TMT1A: variants seen among roughly 807,000 people sequenced by gnomAD.
TMT1A encodes the protein thiol S-methyltransferase TMT1A.
At chr12:50,926,934 G>A in the TMT1A span, among the ~76,000 whole-genome samples, 6 of 152,106 alleles carry the variant, frequency 3.9e-5, no homozygotes, top group South Asian at 4.1e-4. Flanking sequence ...GTTTAAAATC[G>A]TTTTATATTC....
chr12:50,929,920 GCTTT>G, the TMT1A span: 306 of 1,599,380 alleles, frequency 1.9e-4, no homozygotes, highest in Non-Finnish European at 2.4e-4. Flanking sequence ...TCAGGGAGGG[GCTTT>G]CTATTTCATG....
the TMT1A span, among the ~76,000 whole-genome samples, chr12:50,927,458 C>A: frequency 3.9e-5 from 6 of 152,184 alleles, no homozygotes; most frequent in Non-Finnish European, 8.8e-5. Flanking sequence ...GATTCTTATA[C>A]CCAAATGCTG....
chr12:50,925,519 T>G, the TMT1A span: 8 of 1,613,602 alleles, frequency 5.0e-6, no homozygotes, highest in Non-Finnish European at 6.8e-6. Context: ...CCGCGAGGTG[T>G]GCAGAGTGCT....
At chr12:50,929,771 T>C in the TMT1A span, 3 of 680,078 alleles carry the variant, frequency 4.4e-6, no homozygotes, top group Non-Finnish European at 5.0e-6. Flanking sequence ...GTGTGCTTAG[T>C]GTGGAGTGAC....
the TMT1A span, among the ~76,000 whole-genome samples, chr12:50,927,101 C>T: frequency 6.6e-6 from 1 of 152,116 alleles, no homozygotes; most frequent in East Asian, 1.9e-4. Flanking sequence ...CTCACTGCAG[C>T]CTTGACCTGC....
chr12:50,925,467 C>G, the TMT1A span: 4 of 1,614,198 alleles, frequency 2.5e-6, no homozygotes, highest in Admixed American at 6.7e-5. Flanking sequence ...TGGTGGTCTG[C>G]ACCCTGGTGC....
chr12:50,928,092 T>TG, the TMT1A span, among the ~76,000 whole-genome samples: 1 of 152,206 alleles, frequency 6.6e-6, no homozygotes, highest in Non-Finnish European at 1.5e-5. Flanking sequence ...CCCAAAGTGG[T>TG]GGGATTACAG....
the TMT1A span, among the ~76,000 whole-genome samples, chr12:50,928,469 GTT>G: frequency 6.6e-6 from 1 of 152,190 alleles, no homozygotes; most frequent in African/African-American, 2.4e-5. Flanking sequence ...TGGATTCCCT[GTT>G]TGTAAAGGCA....
chr12:50,931,425 G>A, the TMT1A span: 1 of 151,780 alleles, frequency 6.6e-6, no homozygotes, highest in African/African-American at 2.4e-5. Context: ...AAAAGAGACA[G>A]GGGGCTGGGC....
the TMT1A span, chr12:50,929,975 G>A: frequency 6.2e-7 from 1 of 1,613,662 alleles, no homozygotes; most frequent in Non-Finnish European, 8.5e-7. Flanking sequence ...AATTACTTCT[G>A]GCAACAAGTC....
chr12:50,928,270 C>A, the TMT1A span, among the ~76,000 whole-genome samples: 3 of 152,300 alleles, frequency 2.0e-5, no homozygotes, highest in East Asian at 3.9e-4. Flanking sequence ...CTTGGTGACA[C>A]AGGATTTTTG....
At chr12:50,930,460 T>C in the TMT1A span, 1 of 195,374 alleles carries the variant, frequency 5.1e-6, no homozygotes, top group South Asian at 1.2e-4. Context: ...GTATTTTTAG[T>C]TGAGACAGGG....
At chr12:50,925,170 T>G in the TMT1A span, 3 of 1,614,210 alleles carry the variant, frequency 1.9e-6, no homozygotes, top group Admixed American at 3.3e-5. Context: ...TGAGGTTCAC[T>G]GTGATATACA....
At chr12:50,926,821 A>C in the TMT1A span, among the ~76,000 whole-genome samples, 13 of 152,190 alleles carry the variant, frequency 8.5e-5, no homozygotes, top group African/African-American at 3.1e-4. Flanking sequence ...ATGGGATTGG[A>C]TTCAGGGAAA....
At chr12:50,929,889 G>GTT in the TMT1A span, 148 of 1,236,854 alleles carry the variant, frequency 1.2e-4, no homozygotes, top group Middle Eastern at 2.1e-4. Context: ...TCCTTGAAAT[G>GTT]TTTTTTTTTT....
At chr12:50,925,556 G>A in the TMT1A span, 1 of 1,606,586 alleles carries the variant, frequency 6.2e-7, no homozygotes, top group Non-Finnish European at 8.5e-7. Context: ...AGGGTGTGAG[G>A]AGGACTAGTT....
chr12:50,931,666 A>G, the TMT1A span: 1 of 145,932 alleles, frequency 6.9e-6, no homozygotes, highest in African/African-American at 2.6e-5. Context: ...AACCGAGATC[A>G]TGCCATTGTA....
the TMT1A span, chr12:50,929,871 T>C: frequency 6.5e-7 from 1 of 1,535,770 alleles, no homozygotes; most frequent in Non-Finnish European, 8.8e-7. Context: ...AAAGCAGAAA[T>C]GAAAAAATCC....
chr12:50,926,733 G>A, the TMT1A span, among the ~76,000 whole-genome samples: 1 of 152,200 alleles, frequency 6.6e-6, no homozygotes, highest in African/African-American at 2.4e-5. Context: ...TGTGAGGCAG[G>A]GAGAGGAGAT....
Sources: allele counts gnomAD v4.1 joint callset (sites outside exome capture counted in the v4.1 genomes callset), GRCh38; gene constraint gnomAD v4.1.1; transcripts MANE v1.5; gene names NCBI Gene and HGNC (gene_info 2026-07-23, HGNC 2026-07-21).